Variants in ADGRE3 observed in about 807,000 individuals in gnomAD.
ADGRE3 encodes adhesion G protein-coupled receptor E3, also known as EGF-like module receptor 3.
A neutral mutation model predicts 80.1 loss-of-function variants in ADGRE3; 88 were observed. That is an observed-to-expected ratio of 1.10 (90% CI 0.93 to 1.31). ADGRE3 has a LOEUF of 1.31. ADGRE3 is among the 40% of genes most tolerant of loss of function. ADGRE3 has a pLI of 0.00. For missense variants in ADGRE3, 715 were observed against 776.5 expected (o/e 0.92, Z 0.94); for synonymous variants, 281 against 294.8 (o/e 0.95, Z 0.48).
At chr19:14,624,111 T>TTTTG (rs1970671437) in intron 15 of ADGRE3, among the ~76,000 whole-genome samples, 1 of 149,458 alleles carries the variant, frequency 6.7e-6, no homozygotes, top group Non-Finnish European at 1.5e-5. Context: ...TTTTTTTTTT[T>TTTTG]GAGACAGGGT....
intron 8 of ADGRE3, among the ~76,000 whole-genome samples, chr19:14,646,391 G>A (rs1217332760): frequency 6.6e-6 from 1 of 152,036 alleles, no homozygotes; most frequent in Non-Finnish European, 1.5e-5. Context: ...TGGGATTACA[G>A]GTGTGACCTT....
downstream of ADGRE3, among the ~76,000 whole-genome samples, chr19:14,616,709 G>A (rs1340220223): frequency 6.6e-6 from 1 of 151,762 alleles, no homozygotes; most frequent in African/African-American, 2.4e-5. Flanking sequence ...TGTGTTGCAA[G>A]CAGAAGTTAG....
the ADGRE3 span, among the ~76,000 whole-genome samples, chr19:14,602,089 GC>G: frequency 6.6e-6 from 1 of 152,028 alleles, no homozygotes; most frequent in South Asian, 2.1e-4. Flanking sequence ...ACCGCGCCTG[GC>G]CCAGCAAATT....
chr19:14,624,012 T>C lies in ADGRE3; in HGVS notation c.1920+1480A>G, dbSNP rs140796549. On this transcript the variant is annotated intron_variant, in intron 15 of 15. Transcript: ENST00000253673. ...CAAAGCTACCCTACGTTTCCCAGGC[T>C]GGTGTCAAACTCCTGGGCTCAAGCG... 7.5e-3 allele frequency among the ~76,000 whole-genome samples: 1,139 copies of C among 152,036 alleles called. 16 individuals are homozygous for C. The highest frequency in any genetic ancestry group is 0.025 in the African/African-American group (1,035 of 41,482).
At chr19:14,654,891 G>T in intron 6 of ADGRE3, 91 bp downstream of exon 6, 1 of 934,934 alleles carries the variant, frequency 1.1e-6, no homozygotes, top group Non-Finnish European at 1.6e-6. Flanking sequence ...GGACTCATGT[G>T]GTGTATTCAA....
chr19:14,665,328 G>T (rs1464079383), intron 2 of ADGRE3, among the ~76,000 whole-genome samples: 1 of 151,906 alleles, frequency 6.6e-6, no homozygotes, highest in Non-Finnish European at 1.5e-5. Context: ...CTCTCAAAGT[G>T]CTGGGATTAC....
chr19:14,671,633 T>G (rs4555272), intron 1 of ADGRE3, among the ~76,000 whole-genome samples: 2 of 152,074 alleles, frequency 1.3e-5, no homozygotes, highest in African/African-American at 4.8e-5. Context: ...TTTTTCTTCC[T>G]GTAATTCTCA....
chr19:14,660,194 C>A (rs10410565), intron 4 of ADGRE3, among the ~76,000 whole-genome samples: 5 of 151,938 alleles, frequency 3.3e-5, no homozygotes, highest in Non-Finnish European at 7.4e-5. Context: ...ACGGTGCAGA[C>A]CTCTTAACAT....
chr19:14,659,822 GAAAAAAAAAAA>G (rs66908687), intron 4 of ADGRE3, among the ~76,000 whole-genome samples: 59 of 44,842 alleles, frequency 1.3e-3, no homozygotes, highest in Non-Finnish European at 7.0e-4. Flanking sequence ...CTCTGCCTCT[GAAAAAAAAAAA>G]AAAAAAAAAA....
chr19:14,644,030 T>G lies in ADGRE3; in HGVS notation c.1050+78A>C, dbSNP rs1971328809. ...TCGGCCTTTTTTCAGTTTTTTTTTT[T>G]TTTTTTAATAGCACTTATTACCACT... On this transcript the variant is annotated intron_variant, in intron 9 of 15. Transcript: ENST00000253673. 4 of 994,514 alleles carry G rather than the reference T, an allele frequency of 4.0e-6. No homozygotes were observed. The African/African-American group carries it at 6.7e-5, about 17-fold the overall frequency. The allele number at this position is 994,514 out of a possible 1,614,324, so 61.6% of individuals were successfully genotyped here.
At chr19:14,606,924 C>A in the ADGRE3 span, 2 of 729,476 alleles carry the variant, frequency 2.7e-6, no homozygotes, top group South Asian at 6.2e-5. Context: ...TAGGACAGGG[C>A]ACAGGGCAGG....
intron 4 of ADGRE3, among the ~76,000 whole-genome samples, chr19:14,659,708 C>T (rs1204744017): frequency 2.0e-5 from 3 of 150,002 alleles, no homozygotes; most frequent in African/African-American, 7.4e-5. Flanking sequence ...GTAATCCCAG[C>T]TACTCGGGAG....
rs1461476490 is a variant in ADGRE3 at position 14,655,165 on chromosome 19, G to A, written c.394C>T (p.Leu132=). 3.7e-6 allele frequency: 6 copies of A among 1,601,910 alleles called. No homozygotes were observed. In the East Asian group the frequency reaches 1.3e-4, roughly 36 times the overall value. The change falls in exon 6 of 16, where the codon CTG becomes TTG. Residue 132 remains leucine, a splice_region_variant and synonymous_variant. Coordinates refer to ENST00000253673, the MANE Select transcript of ADGRE3 (RefSeq NM_032571.5). Reference sequence around the variant, plus strand: ...TCAAATTTGTCCACAATCTTTTGCAGCTTTGAAGACATAAAGAATTTTCAT... The same window carrying A: ...TCAAATTTGTCCACAATCTTTTGCAACTTTGAAGACATAAAGAATTTTCAT... ...SSKTTEGRKE[L]QKIVDKFESL...
chr19:14,604,585 A>C, the ADGRE3 span, among the ~76,000 whole-genome samples: 1 of 152,094 alleles, frequency 6.6e-6, no homozygotes, highest in Non-Finnish European at 1.5e-5. Flanking sequence ...CAACATGGTG[A>C]AACCCTGTTT....
chr19:14,668,489 T>C, intron 2 of ADGRE3: 3 of 437,492 alleles, frequency 6.9e-6, no homozygotes, highest in Non-Finnish European at 1.2e-5. Flanking sequence ...ATGATTAGCA[T>C]TCCTTTGTCT....
chr19:14,635,409 ATTTT>A (rs1253660919), intron 11 of ADGRE3, among the ~76,000 whole-genome samples: 1 of 120,616 alleles, frequency 8.3e-6, no homozygotes, highest in Non-Finnish European at 1.8e-5. Context: ...CTGGTCTTCC[ATTTT>A]TTTTTTTTTT....
At chr19:14,620,532 A>AT in intron 15 of ADGRE3, among the ~76,000 whole-genome samples, 1 of 14,250 alleles carries the variant, frequency 7.0e-5, no homozygotes, top group South Asian at 2.2e-3. Flanking sequence ...ATGAATATAT[A>AT]TATTTTATAT....
At chr19:14,602,569 A>G in the ADGRE3 span, among the ~76,000 whole-genome samples, 1 of 152,104 alleles carries the variant, frequency 6.6e-6, no homozygotes, top group South Asian at 2.1e-4. Context: ...CTGGGATTAC[A>G]GGCATGAGCC....
the ADGRE3 span, chr19:14,609,964 C>A: frequency 1.1e-6 from 1 of 884,896 alleles, no homozygotes; most frequent in South Asian, 1.6e-5. Context: ...TGGGTTTTGC[C>A]AAATGCGTAG....
Sources: gnomAD v4.1 joint callset for allele counts (sites outside exome capture counted in the v4.1 genomes callset) on GRCh38, gnomAD v4.1.1 for gene constraint, MANE v1.5 for transcripts, NCBI Gene and HGNC (gene_info 2026-07-23, HGNC 2026-07-21) for gene names.